GDAP1L1: variants seen among roughly 807,000 people sequenced by gnomAD.
The protein encoded by GDAP1L1 is ganglioside induced differentiation associated protein 1 like 1.
GDAP1L1 carries 21 observed loss-of-function variants against 37.1 expected under a neutral mutation model. That is an observed-to-expected ratio of 0.57 (90% CI 0.40 to 0.81). The LOEUF is 0.81. Ranked by LOEUF, GDAP1L1 falls within the 40% of genes least tolerant of loss-of-function variation. GDAP1L1 has a pLI of 0.00. For synonymous variants in GDAP1L1, 193 were observed against 209.1 expected (o/e 0.92, Z 0.67); for missense variants, 362 against 491.6 (o/e 0.74, Z 2.49).
At chr20:44,265,068 C>G (rs186641336) in intron 5 of GDAP1L1, 1 of 985,218 alleles carries the variant, frequency 1.0e-6, no homozygotes, top group East Asian at 1.1e-4. Context: ...CTCGGTTGCT[C>G]CCCCATCACC....
At chr20:44,264,934 C>G in intron 5 of GDAP1L1, 1 of 1,049,436 alleles carries the variant, frequency 9.5e-7, no homozygotes, top group Non-Finnish European at 1.2e-6. Flanking sequence ...TCATAGATGT[C>G]ATGGTTAGGG....
In GDAP1L1 at chr20:44,265,350, C is replaced by G. The variant is rs191452581; in HGVS notation, c.760+791C>G. 4.1e-4 allele frequency: 401 copies of G among 985,452 alleles called. 2 individuals are homozygous for G. The Middle Eastern group carries it at 7.8e-3, about 19-fold the overall frequency. The allele number at this position is 985,452 out of a possible 1,614,324, so 61.0% of individuals were successfully genotyped here. On this transcript the variant is annotated intron_variant, in intron 5 of 5. Coordinates refer to ENST00000342560, the MANE Select transcript of GDAP1L1 (RefSeq NM_024034.6). ...TGCCTGTTGCACACCATCTTTGCCA[C>G]AGCCCTTCTTCAAATCTCATTCTGA...
intron 1 of GDAP1L1, among the ~76,000 whole-genome samples, chr20:44,250,798 C>A (rs2073425616): frequency 6.6e-6 from 1 of 152,150 alleles, no homozygotes; most frequent in Non-Finnish European, 1.5e-5. Context: ...GCCTCCTCCT[C>A]CTTTGTGGGG....
At chr20:44,274,991 C>T (rs925875286) in intron 5 of GDAP1L1, among the ~76,000 whole-genome samples, 6 of 152,174 alleles carry the variant, frequency 3.9e-5, no homozygotes, top group African/African-American at 9.7e-5. Flanking sequence ...CTTCCGGGCT[C>T]GAGCCATCCT....
chr20:44,255,384 A>T (rs747056284), intron 1 of GDAP1L1, among the ~76,000 whole-genome samples: 2 of 151,804 alleles, frequency 1.3e-5, no homozygotes, highest in Non-Finnish European at 2.9e-5. Flanking sequence ...TCTACTAAAA[A>T]TACAAAAATT....
Position 44,263,160 on chromosome 20 carries a change from T to G in GDAP1L1, c.548-70T>G, listed in dbSNP as rs542334410. ...TGTTTGGATGGGGCCTACTTCAAGT[T>G]GTGTAAGGCAGGTGATGGGGGAGCA... is the stretch of plus-strand genomic sequence containing the variant. On this transcript the variant is annotated intron_variant, in intron 3 of 5. Transcript: ENST00000342560. 1.5e-5 allele frequency: 18 copies of G among 1,161,628 alleles called. No individual in the cohort carries two copies. The South Asian group carries it at 2.2e-4, about 14-fold the overall frequency. 72.0% of individuals were successfully genotyped at this position (1,161,628 alleles called of 1,614,324 possible).
At chr20:44,251,167 T>C (rs1014950345) in intron 1 of GDAP1L1, among the ~76,000 whole-genome samples, 8 of 152,216 alleles carry the variant, frequency 5.3e-5, no homozygotes, top group South Asian at 4.1e-4. Context: ...ACCAATTTCA[T>C]TGGAATTCAT....
At chr20:44,260,468 T>C (rs541317542) in intron 3 of GDAP1L1, among the ~76,000 whole-genome samples, 1 of 152,280 alleles carries the variant, frequency 6.6e-6, no homozygotes, top group East Asian at 1.9e-4. Flanking sequence ...TTTACTTTTA[T>C]AGTACATTCT....
At chr20:44,258,748 G>A (rs1427899559) in intron 3 of GDAP1L1, 141 bp downstream of exon 3, 6 of 648,036 alleles carry the variant, frequency 9.3e-6, no homozygotes, top group African/African-American at 1.8e-5. Context: ...TTCTCCATTT[G>A]TCCCCGCCTC....
At chr20:44,249,277 A>G (rs1381378910) in intron 1 of GDAP1L1, among the ~76,000 whole-genome samples, 3 of 152,098 alleles carry the variant, frequency 2.0e-5, no homozygotes, top group Non-Finnish European at 4.4e-5. Context: ...ATCTCAAGTG[A>G]TCCACTCACT....
At chr20:44,276,452 G>GAAAT (rs1237435142) in intron 5 of GDAP1L1, among the ~76,000 whole-genome samples, 6 of 149,746 alleles carry the variant, frequency 4.0e-5, no homozygotes, top group African/African-American at 1.5e-4. Context: ...AAGAAAGAAA[G>GAAAT]AAAGAAAGAA....
intron 2 of GDAP1L1, 65 bp from the exon 3 acceptor site, chr20:44,258,369 G>A (rs571682559): frequency 8.2e-6 from 12 of 1,469,206 alleles, no homozygotes; most frequent in Admixed American, 7.9e-5. Flanking sequence ...CAGGGATGCC[G>A]GGGGCAGGTG....
At chr20:44,272,705 C>T (rs190153014) in intron 5 of GDAP1L1, among the ~76,000 whole-genome samples, 97 of 152,266 alleles carry the variant, frequency 6.4e-4, no homozygotes, top group Admixed American at 1.3e-3. Flanking sequence ...CCCAGGCGCA[C>T]ACACAAACAC....
intron 3 of GDAP1L1, among the ~76,000 whole-genome samples, chr20:44,260,016 T>C (rs1394538521): frequency 6.6e-6 from 1 of 152,178 alleles, no homozygotes; most frequent in East Asian, 1.9e-4. Context: ...GTACTCTATG[T>C]CAAACATGAG....
chr20:44,253,924 G>A (rs1012198455), intron 1 of GDAP1L1, among the ~76,000 whole-genome samples: 3 of 152,248 alleles, frequency 2.0e-5, no homozygotes, highest in Non-Finnish European at 2.9e-5. Flanking sequence ...GGTAGAGCAT[G>A]GGAGCGGCCC....
chr20:44,262,288 T>A (rs553315033), intron 3 of GDAP1L1, among the ~76,000 whole-genome samples: 1 of 151,900 alleles, frequency 6.6e-6, no homozygotes, highest in South Asian at 2.1e-4. Context: ...GTCAGTTAAA[T>A]GGAGGAGGTT....
intron 5 of GDAP1L1, among the ~76,000 whole-genome samples, chr20:44,278,283 A>T (rs569768127): frequency 2.0e-5 from 3 of 152,234 alleles, no homozygotes; most frequent in Non-Finnish European, 4.4e-5. Flanking sequence ...TCTGGGGGGA[A>T]TTCCATTTTG....
At position 44,247,436 on chromosome 20, in the gene GDAP1L1, C is replaced by G; in HGVS notation, c.102C>G (p.Pro34=). Reference sequence around the variant, plus strand: ...AGCCAGCGGAGGCCCCCGACGCTCCCGAGGCGGCCAGCCCCGCCCATTGGC... The same window carrying G: ...AGCCAGCGGAGGCCCCCGACGCTCCGGAGGCGGCCAGCCCCGCCCATTGGC... ...AAKPAEAPDA[P]EAASPAHWPR... is the part of the protein sequence containing the mutation. Residue 34 remains proline (P), a synonymous_variant, in exon 1 of 6, where the codon CCC becomes CCG. Transcript: ENST00000342560. 4 of 1,608,614 alleles carry G rather than the reference C, an allele frequency of 2.5e-6. No homozygotes were observed. Among genetic ancestry groups the G allele is most frequent in the South Asian group, 1.1e-5 (1 of 90,354 alleles).
intron 5 of GDAP1L1, among the ~76,000 whole-genome samples, chr20:44,272,808 C>T (rs1184567884): frequency 1.3e-5 from 2 of 152,216 alleles, no homozygotes; most frequent in Non-Finnish European, 2.9e-5. Flanking sequence ...CATCCAGATT[C>T]GCCTGGGCTT....
Sources: allele counts gnomAD v4.1 joint callset (sites outside exome capture counted in the v4.1 genomes callset), GRCh38; gene constraint gnomAD v4.1.1; transcripts MANE v1.5; gene names NCBI Gene and HGNC (gene_info 2026-07-23, HGNC 2026-07-21).